FRMD4A: variants seen among roughly 807,000 people sequenced by gnomAD.
FRMD4A encodes FERM domain containing 4A.
FRMD4A carries 29 observed loss-of-function variants against 129.1 expected under a neutral mutation model. The observed-to-expected ratio is 0.22, with a 90% CI of 0.17 to 0.31. The LOEUF is 0.31. Among genes scored for constraint, FRMD4A ranks in the 10% least tolerant of loss-of-function variants. The pLI is 1.00. For synonymous variants in FRMD4A, 634 were observed against 571.6 expected (o/e 1.11, Z -1.56); for missense variants, 1,272 against 1,375.8 (o/e 0.92, Z 1.19).
At chr10:14,000,294 T>C (rs1376773922) in intron 2 of FRMD4A, among the ~76,000 whole-genome samples, 2 of 152,148 alleles carry the variant, frequency 1.3e-5, no homozygotes, top group Non-Finnish European at 2.9e-5. Context: ...CACAGGTGGA[T>C]AATATTCATT....
At chr10:13,774,206 C>T (rs2092539567) in intron 6 of FRMD4A, among the ~76,000 whole-genome samples, 1 of 152,120 alleles carries the variant, frequency 6.6e-6, no homozygotes, top group Non-Finnish European at 1.5e-5. Context: ...TTTTCTGCAA[C>T]TTGGATAGAT....
chr10:14,062,399 A>G (rs562508772), intron 2 of FRMD4A, among the ~76,000 whole-genome samples: 1 of 152,304 alleles, frequency 6.6e-6, no homozygotes, highest in East Asian at 1.9e-4. Flanking sequence ...TCAGCCATGG[A>G]CGTGTAGAAA....
chr10:14,023,162 G>A (rs1350587674), intron 2 of FRMD4A, among the ~76,000 whole-genome samples: 1 of 152,056 alleles, frequency 6.6e-6, no homozygotes, highest in African/African-American at 2.4e-5. Flanking sequence ...AAACCCAGAA[G>A]GACGCTCTCC....
At chr10:14,115,984 C>A (rs749390289) in intron 2 of FRMD4A, among the ~76,000 whole-genome samples, 2 of 152,252 alleles carry the variant, frequency 1.3e-5, no homozygotes, top group Non-Finnish European at 2.9e-5. Context: ...CTGAAAGAAG[C>A]ATTGCCCATA....
At chr10:14,294,313 G>A (rs762220617) in intron 2 of FRMD4A, among the ~76,000 whole-genome samples, 5 of 152,136 alleles carry the variant, frequency 3.3e-5, no homozygotes, top group Admixed American at 2.0e-4. Flanking sequence ...TAAAACTCAA[G>A]GTCTCACAGA....
At chr10:13,763,157 G>A (rs1022521927) in intron 6 of FRMD4A, among the ~76,000 whole-genome samples, 2 of 152,146 alleles carry the variant, frequency 1.3e-5, no homozygotes, top group Non-Finnish European at 2.9e-5. Context: ...GGGCCTACCC[G>A]ACTATCTCAA....
intron 3 of FRMD4A, among the ~76,000 whole-genome samples, chr10:13,811,770 T>C (rs2093450929): frequency 1.3e-5 from 2 of 151,366 alleles, no homozygotes; most frequent in East Asian, 3.9e-4. Context: ...AAGAGAAGAG[T>C]TATTTCTAAA....
intron 2 of FRMD4A, among the ~76,000 whole-genome samples, chr10:14,308,230 C>T (rs2132100756): frequency 6.6e-6 from 1 of 152,304 alleles, no homozygotes; most frequent in South Asian, 2.1e-4. Flanking sequence ...CAACTGTAAA[C>T]TCGTGGCTCC....
chr10:13,957,284 G>C (rs1216025208), intron 2 of FRMD4A, among the ~76,000 whole-genome samples: 1 of 152,056 alleles, frequency 6.6e-6, no homozygotes, highest in African/African-American at 2.4e-5. Context: ...ACAGAGTTTC[G>C]CTCTTGCTGC....
chr10:14,089,147 C>G (rs1241507102), intron 2 of FRMD4A, among the ~76,000 whole-genome samples: 2 of 152,146 alleles, frequency 1.3e-5, no homozygotes, highest in African/African-American at 4.8e-5. Flanking sequence ...TGGAGTTTCC[C>G]AGCGCTTGAA....
intron 2 of FRMD4A, among the ~76,000 whole-genome samples, chr10:13,951,849 C>T (rs142096019): frequency 6.6e-6 from 1 of 150,878 alleles, no homozygotes; most frequent in African/African-American, 2.4e-5. Flanking sequence ...GAGACTGCAT[C>T]ACTGCACTGC....
At chr10:13,925,962 T>C (rs538768342) in intron 2 of FRMD4A, among the ~76,000 whole-genome samples, 12 of 151,764 alleles carry the variant, frequency 7.9e-5, no homozygotes, top group Admixed American at 6.6e-4. Context: ...ATTTATATGA[T>C]TGATTGAATT....
At chr10:14,139,273 T>C (rs1401871077) in intron 2 of FRMD4A, among the ~76,000 whole-genome samples, 1 of 152,202 alleles carries the variant, frequency 6.6e-6, no homozygotes, top group East Asian at 1.9e-4. Context: ...CTTATGAATA[T>C]AACTTAGTTT....
At chr10:13,769,838 A>T (rs78682187) in intron 6 of FRMD4A, among the ~76,000 whole-genome samples, 290 of 151,696 alleles carry the variant, frequency 1.9e-3, no homozygotes, top group East Asian at 0.015. Flanking sequence ...GGGACATCAC[A>T]TTTCATCTTC....
intron 2 of FRMD4A, among the ~76,000 whole-genome samples, chr10:14,135,976 T>C (rs1839515369): frequency 6.6e-6 from 1 of 152,232 alleles, no homozygotes; most frequent in South Asian, 2.1e-4. Flanking sequence ...TGGTTCCCCC[T>C]GACACTGAAT....
At chr10:14,254,643 G>A (rs747235443) in intron 2 of FRMD4A, among the ~76,000 whole-genome samples, 32 of 151,942 alleles carry the variant, frequency 2.1e-4, no homozygotes, top group Non-Finnish European at 3.7e-4. Flanking sequence ...CCTAGTATTT[G>A]CAAAAGAAAT....
rs553401792 is a variant in FRMD4A, at chr10:13,685,114, G to A, written c.1117+8784C>T. 4 of 984,302 alleles carry A rather than the reference G, an allele frequency of 4.1e-6. No individual in the cohort carries two copies. In the Admixed American group the frequency reaches 1.8e-4, roughly 45 times the overall value. The allele number at this position is 984,302 out of a possible 1,614,324, so 61.0% of individuals were successfully genotyped here. Reference sequence around the variant, plus strand: ...ACTGCAGGATAAACGTGTCATCTCTGGGGACTGTTATAGAGAATTAGATGT... The same window carrying A: ...ACTGCAGGATAAACGTGTCATCTCTAGGGACTGTTATAGAGAATTAGATGT... On this transcript the variant is annotated intron_variant, in intron 15 of 24. Coordinates refer to ENST00000357447, the MANE Select transcript of FRMD4A (RefSeq NM_018027.5).
intron 2 of FRMD4A, among the ~76,000 whole-genome samples, chr10:14,020,274 T>G (rs1443140306): frequency 6.6e-6 from 1 of 152,178 alleles, no homozygotes; most frequent in African/African-American, 2.4e-5. Flanking sequence ...CAACTAATTA[T>G]GAAACACCAG....
intron 2 of FRMD4A, among the ~76,000 whole-genome samples, chr10:14,289,867 C>CCA (rs770036333): frequency 3.2e-4 from 49 of 151,876 alleles, no homozygotes; most frequent in South Asian, 1.2e-3. Context: ...CCTAAAGACT[C>CCA]CACACACACA....
Sources: allele counts gnomAD v4.1 joint callset (sites outside exome capture counted in the v4.1 genomes callset), GRCh38; gene constraint gnomAD v4.1.1; transcripts MANE v1.5; gene names NCBI Gene and HGNC (gene_info 2026-07-23, HGNC 2026-07-21).